The following MCTP1 variants were observed in gnomAD, a reference collection of about 807,000 sequenced individuals.
MCTP1 encodes the protein multiple C2 and transmembrane domain-containing protein 1.
In MCTP1, 69 loss-of-function variants were observed where a neutral mutation model predicts 120.6. The observed-to-expected ratio is 0.57, with a 90% CI of 0.47 to 0.70. The LOEUF (loss-of-function observed/expected upper bound fraction) is 0.70. Ranked by LOEUF, MCTP1 falls within the 30% of genes least tolerant of loss-of-function variation. The pLI is 0.00. For synonymous variants in MCTP1, 529 were observed against 493.1 expected (o/e 1.07, Z -0.96); for missense variants, 1,203 against 1,248.8 (o/e 0.96, Z 0.55).
intron 1 of MCTP1, among the ~76,000 whole-genome samples, chr5:95,166,497 T>A (rs992055392): frequency 2.6e-5 from 4 of 152,290 alleles, no homozygotes; most frequent in Non-Finnish European, 1.5e-5. Context: ...TCATATTACT[T>A]TTTTTCTACT....
intron 10 of MCTP1, among the ~76,000 whole-genome samples, chr5:94,904,494 A>G (rs1379507940): frequency 6.6e-6 from 1 of 152,184 alleles, no homozygotes; most frequent in East Asian, 1.9e-4. Context: ...ACAACCAGAC[A>G]GCTCCGTAGA....
chr5:94,726,181 C>T (rs1033073707), intron 19 of MCTP1, among the ~76,000 whole-genome samples: 1 of 152,200 alleles, frequency 6.6e-6, no homozygotes, highest in African/African-American at 2.4e-5. Flanking sequence ...TGTGCTCACT[C>T]TCCTTGGGTG....
chr5:95,098,697 C>T (rs981798901), intron 1 of MCTP1, among the ~76,000 whole-genome samples: 2 of 151,312 alleles, frequency 1.3e-5, no homozygotes, highest in African/African-American at 4.9e-5. Flanking sequence ...CCATACTGCC[C>T]AAGGTAATTT....
intron 2 of MCTP1, among the ~76,000 whole-genome samples, chr5:94,981,264 A>C (rs1437123): frequency 0.4 from 60,326 of 151,936 alleles, 12,661 homozygotes; most frequent in Middle Eastern, 0.51. Flanking sequence ...TAAGTTATAC[A>C]CTTCCCAAGG....
chr5:94,801,038 TA>T (rs1310320057), intron 17 of MCTP1, among the ~76,000 whole-genome samples: 1 of 152,088 alleles, frequency 6.6e-6, no homozygotes, highest in East Asian at 1.9e-4. Flanking sequence ...TAAAGATAAT[TA>T]TTTTTTTAGG....
intron 13 of MCTP1, among the ~76,000 whole-genome samples, chr5:94,872,471 A>T (rs1798007654): frequency 6.6e-6 from 1 of 151,612 alleles, no homozygotes; most frequent in African/African-American, 2.4e-5. Flanking sequence ...TATACAAAAA[A>T]ATAGAATTAT....
At chr5:94,711,044 T>A (rs1322854264) in intron 20 of MCTP1, 117 bp from the exon 21 acceptor site, 11 of 737,868 alleles carry the variant, frequency 1.5e-5, no homozygotes, top group African/African-American at 8.9e-5. Flanking sequence ...TGGAATAGAT[T>A]CCAATTGTAA....
At chr5:94,840,561 A>C (rs1185785368) in intron 17 of MCTP1, among the ~76,000 whole-genome samples, 1 of 152,168 alleles carries the variant, frequency 6.6e-6, no homozygotes. Flanking sequence ...CCCTTTTCAT[A>C]TAACACCATT....
intron 1 of MCTP1, among the ~76,000 whole-genome samples, chr5:95,036,569 G>A (rs559324687): frequency 2.0e-5 from 3 of 152,142 alleles, no homozygotes; most frequent in East Asian, 1.9e-4. Context: ...TTGTATCTGA[G>A]TTTCCTCGTC....
intron 19 of MCTP1, among the ~76,000 whole-genome samples, chr5:94,748,844 AT>A (rs1420603065): frequency 1.3e-5 from 2 of 152,168 alleles, no homozygotes; most frequent in Non-Finnish European, 2.9e-5. Flanking sequence ...AACCTCATAT[AT>A]TTTACTATCC....
At chr5:94,768,403 C>T (rs563728424) in intron 19 of MCTP1, among the ~76,000 whole-genome samples, 1 of 152,142 alleles carries the variant, frequency 6.6e-6, no homozygotes, top group South Asian at 2.1e-4. Context: ...AATAGACAAA[C>T]AGGACTATAT....
chr5:94,845,346 A>T (rs898015000), intron 17 of MCTP1, among the ~76,000 whole-genome samples: 59 of 152,098 alleles, frequency 3.9e-4, no homozygotes, highest in Non-Finnish European at 6.3e-4. Flanking sequence ...AAACCATCAG[A>T]TCTTGTGACA....
At chr5:95,123,978 A>G (rs774072341) in intron 1 of MCTP1, among the ~76,000 whole-genome samples, 3 of 152,166 alleles carry the variant, frequency 2.0e-5, no homozygotes, top group East Asian at 1.9e-4. Flanking sequence ...AAATAAGCCC[A>G]TGTATCAATG....
intron 1 of MCTP1, among the ~76,000 whole-genome samples, chr5:95,131,640 G>T (rs1434270016): frequency 1.3e-5 from 2 of 151,418 alleles, no homozygotes; most frequent in Admixed American, 6.6e-5. Flanking sequence ...CATAATTTAT[G>T]ATTTCTTTAC....
At chr5:95,202,834 T>C (rs911661949) in intron 1 of MCTP1, among the ~76,000 whole-genome samples, 1 of 152,166 alleles carries the variant, frequency 6.6e-6, no homozygotes, top group Non-Finnish European at 1.5e-5. Context: ...CTCAAGAGAT[T>C]CTCCTGCCTC....
At chr5:95,243,745 T>G (rs1318248389) in intron 1 of MCTP1, among the ~76,000 whole-genome samples, 2 of 152,032 alleles carry the variant, frequency 1.3e-5, no homozygotes. Context: ...CCAAGAGATA[T>G]TAAAAAGGTA....
intron 19 of MCTP1, among the ~76,000 whole-genome samples, chr5:94,745,376 C>T (rs1453264412): frequency 6.6e-6 from 1 of 152,150 alleles, no homozygotes; most frequent in East Asian, 1.9e-4. Context: ...ACAGAGTGTC[C>T]ACTTGTTTCC....
At chr5:95,258,002 G>A (rs1354567666) in intron 1 of MCTP1, among the ~76,000 whole-genome samples, 1 of 152,154 alleles carries the variant, frequency 6.6e-6, no homozygotes, top group Non-Finnish European at 1.5e-5. Flanking sequence ...AATAAATAAT[G>A]GGAGAGAATA....
chr5:95,269,081 AG>A (rs1215668392), intron 1 of MCTP1, among the ~76,000 whole-genome samples: 2 of 152,212 alleles, frequency 1.3e-5, no homozygotes, highest in African/African-American at 4.8e-5. Flanking sequence ...CTATAAAATG[AG>A]GCTAAGAATT....
Sources: allele counts gnomAD v4.1 joint callset (sites outside exome capture counted in the v4.1 genomes callset), GRCh38; gene constraint gnomAD v4.1.1; transcripts MANE v1.5; gene names NCBI Gene and HGNC (gene_info 2026-07-23, HGNC 2026-07-21).